Variants in CCDC186 observed in about 807,000 individuals in gnomAD.
CCDC186 encodes coiled-coil domain-containing protein 186.
CCDC186 carries 49 observed loss-of-function variants against 113.7 expected under a neutral mutation model. The observed-to-expected ratio is 0.43, with a 90% CI of 0.34 to 0.55. CCDC186 has a LOEUF of 0.55. Among genes scored for constraint, CCDC186 ranks in the 20% least tolerant of loss-of-function variants. The pLI is 0.02. For synonymous variants in CCDC186, 355 were observed against 345.8 expected (o/e 1.03, Z -0.30); for missense variants, 890 against 1,011.1 (o/e 0.88, Z 1.62).
rs772222724 is a variant in CCDC186 at position 114,136,133 on chromosome 10, A to G, written c.1425+15T>C. The G allele has an allele frequency of 7.5e-6, 12 of 1,600,500 alleles. No homozygotes were observed. The South Asian group carries it at 8.8e-5, about 12-fold the overall frequency. The stretch of plus-strand genomic sequence containing the variant: ...ATTATGCAACTTAGGATATATAAAG[A>G]GCAAAACTACTCACCTCTAGCTGGT... On this transcript the variant is annotated intron_variant, in intron 8 of 15. Transcript: ENST00000369287.
intron 9 of CCDC186, among the ~76,000 whole-genome samples, chr10:114,135,366 T>C (rs1378632914): frequency 6.6e-6 from 1 of 152,154 alleles, no homozygotes; most frequent in Non-Finnish European, 1.5e-5. Context: ...TTTAAAATTA[T>C]TAAGTGACCT....
chr10:114,131,536 T>G (rs184667275), intron 11 of CCDC186, among the ~76,000 whole-genome samples, 200 bp from the exon 12 acceptor site: 5 of 152,338 alleles, frequency 3.3e-5, no homozygotes, highest in Admixed American at 3.3e-4. Context: ...AATGTCATTC[T>G]ATACATACCA....
chr10:114,126,434 G>A (rs987213196), intron 14 of CCDC186, among the ~76,000 whole-genome samples: 5 of 152,140 alleles, frequency 3.3e-5, no homozygotes, highest in African/African-American at 9.7e-5. Context: ...ATAGCTCGCT[G>A]CAGCCTCCAC....
At chr10:114,142,929 A>G (rs1270742315) in intron 6 of CCDC186, among the ~76,000 whole-genome samples, 1 of 152,172 alleles carries the variant, frequency 6.6e-6, no homozygotes, top group Non-Finnish European at 1.5e-5. Context: ...CCAACATCCA[A>G]TAGGTAAATA....
At chr10:114,160,212 G>A (rs2032129958) in intron 2 of CCDC186, among the ~76,000 whole-genome samples, 1 of 151,474 alleles carries the variant, frequency 6.6e-6, no homozygotes, top group Admixed American at 6.6e-5. Flanking sequence ...AGAGGTTGCA[G>A]TGAGCTGAGG....
At position 114,123,087 on chromosome 10, in the gene CCDC186, T is replaced by C. The variant is rs1032124253; in HGVS notation, c.*2056A>G. The C allele has an allele frequency of 6.6e-6, 1 of 152,630 alleles. No individual in the cohort carries two copies. Among genetic ancestry groups the C allele is most frequent in the Admixed American group, 6.5e-5 (1 of 15,272 alleles). 9.5% of individuals were successfully genotyped at this position (152,630 alleles called of 1,614,324 possible). ...AAAAAAATCCAAATATTGTAGTTTA[T>C]GAACCTGTATCATAAGAAACTAGAA... is the stretch of plus-strand genomic sequence containing the variant. On this transcript the variant is annotated 3_prime_UTR_variant, in exon 16 of 16. Transcript: ENST00000369287.
At chr10:114,154,672 C>T (rs1181572679) in intron 3 of CCDC186, among the ~76,000 whole-genome samples, 1 of 152,020 alleles carries the variant, frequency 6.6e-6, no homozygotes, top group African/African-American at 2.4e-5. Context: ...TTGCTCTTCC[C>T]CCAAAAAGTA....
intron 4 of CCDC186, among the ~76,000 whole-genome samples, chr10:114,148,565 C>T (rs549834040): frequency 1.3e-5 from 2 of 152,216 alleles, no homozygotes; most frequent in Admixed American, 1.3e-4. Flanking sequence ...CAGATAAACC[C>T]TCCTCATTCA....
chr10:114,150,530 A>G (rs916122214), intron 4 of CCDC186, among the ~76,000 whole-genome samples: 3 of 152,212 alleles, frequency 2.0e-5, no homozygotes. Flanking sequence ...GGAACAAGGA[A>G]TGGGATATAA....
intron 4 of CCDC186, among the ~76,000 whole-genome samples, chr10:114,150,188 G>C (rs1275889730): frequency 6.6e-6 from 1 of 152,216 alleles, no homozygotes; most frequent in Non-Finnish European, 1.5e-5. Context: ...AACCCTTTCA[G>C]ATTCAATTCA....
intron 1 of CCDC186, among the ~76,000 whole-genome samples, chr10:114,170,011 C>T (rs1421400626): frequency 6.6e-6 from 1 of 152,158 alleles, no homozygotes; most frequent in Non-Finnish European, 1.5e-5. Flanking sequence ...AATCATCCCA[C>T]TTAAGCCTCC....
At chr10:114,148,370 G>A (rs925362924) in intron 4 of CCDC186, among the ~76,000 whole-genome samples, 1 of 152,184 alleles carries the variant, frequency 6.6e-6, no homozygotes, top group African/African-American at 2.4e-5. Context: ...AGCTATTATA[G>A]AAGGTCCATT....
At position 114,135,954 on chromosome 10, in the gene CCDC186, T is replaced by C. The variant is rs992124485; in HGVS notation, c.1449A>G (p.Glu483=). The change falls in exon 9 of 16, where the codon GAA becomes GAG. Residue 483 remains glutamate, a synonymous_variant. Coordinates refer to ENST00000369287, the MANE Select transcript of CCDC186 (RefSeq NM_018017.4). ...QLEMHHAKIK[E]LEDLKRTFKE... ...TAAATGTTCTCTTCAGATCTTCTAG[T>C]TCCTTTATTTTGGCATGATGCATCT... The C allele has an allele frequency of 2.5e-6, 4 of 1,613,136 alleles. No homozygotes were observed. Among genetic ancestry groups the C allele is most frequent in the Non-Finnish European group, 3.4e-6 (4 of 1,179,506 alleles).
At chr10:114,133,352 C>T (rs1233581944) in intron 10 of CCDC186, among the ~76,000 whole-genome samples, 1 of 152,182 alleles carries the variant, frequency 6.6e-6, no homozygotes, top group East Asian at 1.9e-4. Flanking sequence ...CTGCACTCAT[C>T]ATTCATCCTA....
intron 6 of CCDC186, among the ~76,000 whole-genome samples, chr10:114,142,400 A>G (rs376743273): frequency 6.6e-6 from 1 of 152,180 alleles, no homozygotes; most frequent in Non-Finnish European, 1.5e-5. Flanking sequence ...CCAAAGAACC[A>G]CAGCCACATC....
intron 3 of CCDC186, among the ~76,000 whole-genome samples, chr10:114,155,401 G>A (rs1486239520): frequency 5.9e-5 from 9 of 152,204 alleles, no homozygotes; most frequent in East Asian, 1.9e-4. Context: ...GAAGCTGGGC[G>A]CAGTGGCTCA....
chr10:114,142,320 A>G (rs1218734480), intron 6 of CCDC186, among the ~76,000 whole-genome samples: 2 of 152,370 alleles, frequency 1.3e-5, no homozygotes, highest in East Asian at 3.9e-4. Flanking sequence ...TCTGGGTCCA[A>G]GAATATTCTT....
rs2031577314 is a variant in CCDC186, at chr10:114,144,550, T to C, written c.1168A>G (p.Ile390Val). The C allele has an allele frequency of 2.5e-6, 4 of 1,613,340 alleles. No individual in the cohort carries two copies. The highest frequency in any genetic ancestry group is 2.2e-5 in the East Asian group (1 of 44,808). Reference protein sequence around the residue: ...KLKEDINSHVIKVKWAQNKLK... With the variant: ...KLKEDINSHVVKVKWAQNKLK... ...TTGTTTTGTGCCCACTTTACTTTGA[T>C]GACGTGAGAGTTAATGTCTTCCTTT... The change falls in exon 6 of 16, where the codon ATC becomes GTC. Residue 390 changes from isoleucine (I) to valine (V), a missense_variant. Transcript: ENST00000369287.
chr10:114,139,164 T>G (rs2031377633), intron 6 of CCDC186, among the ~76,000 whole-genome samples: 1 of 152,080 alleles, frequency 6.6e-6, no homozygotes, highest in Admixed American at 6.6e-5. Flanking sequence ...CTAGTTAGGT[T>G]GGGTTCCCCA....
Sources: allele counts gnomAD v4.1 joint callset (sites outside exome capture counted in the v4.1 genomes callset), GRCh38; gene constraint gnomAD v4.1.1; transcripts MANE v1.5; gene names NCBI Gene and HGNC (gene_info 2026-07-23, HGNC 2026-07-21).